The following CATSPERG variants were observed in gnomAD, a reference collection of about 807,000 sequenced individuals.
The protein encoded by CATSPERG is cation channel sperm-associated auxiliary subunit gamma.
CATSPERG carries 115 observed loss-of-function variants against 145.0 expected under a neutral mutation model. The observed-to-expected ratio is 0.79, with a 90% confidence interval of 0.68 to 0.93. CATSPERG has a LOEUF of 0.93. Among genes scored for constraint, CATSPERG ranks in the 40% least tolerant of loss-of-function variants. CATSPERG has a pLI of 0.00. For missense variants in CATSPERG, 1,296 were observed against 1,490.1 expected, an observed-to-expected ratio of 0.87 and a Z score of 2.14; for synonymous variants, 588 against 589.0, an observed-to-expected ratio of 1.00 and a Z score of 0.02.
chr19:38,358,099 CAG>C (rs1970278493), intron 11 of CATSPERG, 177 bp from the exon 12 acceptor site: 1 of 623,748 alleles, frequency 1.6e-6, no homozygotes, highest in Non-Finnish European at 2.8e-6. Flanking sequence ...GCCTGGGCGA[CAG>C]GGAGATCCTG....
chr19:38,339,228 T>C (rs763337780), intron 3 of CATSPERG, among the ~76,000 whole-genome samples: 4 of 151,918 alleles, frequency 2.6e-5, no homozygotes, highest in Non-Finnish European at 5.9e-5. Flanking sequence ...CAGGTTCTTT[T>C]AACTCAAGAT....
At position 38,367,159 on chromosome 19, in the gene CATSPERG, A is replaced by G; in HGVS notation, c.2617A>G (p.Asn873Asp). The G allele has an allele frequency of 6.2e-7, 1 of 1,612,608 alleles. No homozygotes were observed. The highest frequency in any genetic ancestry group is 8.5e-7 in the Non-Finnish European group (1 of 1,179,470). ...AGCCTTTTTTCCTCCCACCGAGGGC[A>G]ACCTGATGGTGCCAGTGTTCATTGG... ...ETHLGPHMQG[N>D]LMVPVFIGCP... Residue 873 changes from asparagine to aspartate, a missense_variant, in exon 23 of 29, where the codon AAC becomes GAC. Transcript: ENST00000409235.
chr19:38,362,795 A>C lies in CATSPERG; in HGVS notation c.2438A>C (p.Gln813Pro), dbSNP rs746187579. ...GGCTGCATCGAGGCCTCGGTGAAGCAGGAGGTCCTGATTAATCGCAACTCG... is the reference window on the plus strand; with the variant it reads ...GGCTGCATCGAGGCCTCGGTGAAGCCGGAGGTCCTGATTAATCGCAACTCG... ...DPGCIEASVK[Q>P]EVLINRNSVL... Residue 813 changes from glutamine to proline, a missense_variant, in exon 20 of 29, where the codon CAG becomes CCG. By Grantham distance (76) the Gln-to-Pro change is moderately conservative. Coordinates refer to ENST00000409235, the MANE Select transcript of CATSPERG (RefSeq NM_021185.5). 9.9e-6 allele frequency: 16 copies of C among 1,612,440 alleles called. No individual in the cohort carries two copies. In the East Asian group the frequency reaches 3.6e-4, roughly 36 times the overall value.
At chr19:38,358,974 C>T (rs757462853) in intron 13 of CATSPERG, among the ~76,000 whole-genome samples, 2 of 152,058 alleles carry the variant, frequency 1.3e-5, no homozygotes, top group Admixed American at 1.3e-4. Context: ...ATCAGACTCC[C>T]GAGTAGCTGG....
chr19:38,351,435 T>C (rs938438537), intron 7 of CATSPERG, among the ~76,000 whole-genome samples: 5 of 151,886 alleles, frequency 3.3e-5, no homozygotes, highest in African/African-American at 4.8e-5. Flanking sequence ...GGTGAAACCC[T>C]GTCTCTACTA....
rs752613128 is a variant in CATSPERG, at chr19:38,362,825, T to TATTTTCG, written c.2469_2475dup (p.Thr827PhefsTer7). On this transcript the variant is annotated frameshift_variant, in exon 20 of 29. Coordinates refer to ENST00000409235, the MANE Select transcript of CATSPERG (RefSeq NM_021185.5). LOFTEE classifies it high-confidence loss of function. Reference sequence around the variant, plus strand: ...GTCCTGATTAATCGCAACTCGGTGCTATTTTCGGTGAGGCCCCCCGGGGAG... The same window carrying TATTTTCG: ...GTCCTGATTAATCGCAACTCGGTGCTATTTTCGATTTTCGGTGAGGCCCCCCGGGGAG... 8.1e-6 allele frequency: 13 copies of TATTTTCG among 1,609,684 alleles called. No individual in the cohort carries two copies. Among genetic ancestry groups the TATTTTCG allele is most frequent in the Non-Finnish European group, 9.3e-6 (11 of 1,176,542 alleles).
rs574882111 is a variant in CATSPERG, at chr19:38,352,746, G to A, written c.997+314G>A. Among the ~76,000 whole-genome samples the A allele has an allele frequency of 2.0e-5, 3 of 151,732 alleles. No homozygotes were observed. In the East Asian group the frequency reaches 5.8e-4, roughly 29 times the overall value. Reference sequence around the variant, plus strand: ...GTGTGCCCACACACAGTGGCAGAAGGACTTGCCAAGACAGACCAGACGGGG... The same window carrying A: ...GTGTGCCCACACACAGTGGCAGAAGAACTTGCCAAGACAGACCAGACGGGG... On this transcript the variant is annotated intron_variant, in intron 8 of 28. Coordinates refer to ENST00000409235, the MANE Select transcript of CATSPERG (RefSeq NM_021185.5).
chr19:38,357,511 G>T (rs1252817029), intron 11 of CATSPERG, among the ~76,000 whole-genome samples: 1 of 93,090 alleles, frequency 1.1e-5, no homozygotes, highest in Non-Finnish European at 2.3e-5. Flanking sequence ...GCAAGACCCG[G>T]TCTCAAAAAA....
intron 8 of CATSPERG, among the ~76,000 whole-genome samples, chr19:38,352,737 T>C (rs919013775): frequency 1.3e-5 from 2 of 149,410 alleles, no homozygotes; most frequent in Non-Finnish European, 3.0e-5. Flanking sequence ...CCACACACAG[T>C]GGCAGAAGGA....
In CATSPERG at chr19:38,356,777, GC is replaced by G. The variant is rs776526133; in HGVS notation, c.1232del (p.Ala411GlyfsTer52). ...TCSIIWSEYI[A>X]GEYTLLLLVE... ...CTCCATAATTTGGTCTGAATACATCGCGGGTGAGTATACTCTACTGCTGCTG... is the reference window on the plus strand; with the variant it reads ...CTCCATAATTTGGTCTGAATACATCGGGGTGAGTATACTCTACTGCTGCTG... On this transcript the variant is annotated frameshift_variant, in exon 11 of 29. Coordinates refer to ENST00000409235, the MANE Select transcript of CATSPERG (RefSeq NM_021185.5). LOFTEE classifies it high-confidence loss of function. 6.2e-7 allele frequency: 1 copy of G among 1,614,150 alleles called. No homozygotes were observed. The highest frequency in any genetic ancestry group is 1.3e-5 in the African/African-American group (1 of 75,040).
At chr19:38,368,013 C>G in intron 25 of CATSPERG, 35 bp from the exon 26 acceptor site, 1 of 1,603,144 alleles carries the variant, frequency 6.2e-7, no homozygotes, top group Non-Finnish European at 8.5e-7. Context: ...ACACCGCCCC[C>G]CAACCCCTGG....
intron 26 of CATSPERG, 48 bp downstream of exon 26, chr19:38,368,185 A>G (rs745812084): frequency 7.8e-6 from 12 of 1,529,840 alleles, no homozygotes; most frequent in African/African-American, 1.4e-5. Context: ...TCGGTAGTCC[A>G]TTGGGCCCAC....
At chr19:38,357,990 C>G (rs928837908) in intron 11 of CATSPERG, 11 of 355,268 alleles carry the variant, frequency 3.1e-5, no homozygotes, top group Non-Finnish European at 5.1e-5. Context: ...TGGTGGTGTG[C>G]GCCTATAATC....
At chr19:38,349,358 C>G (rs369839975) in intron 7 of CATSPERG, 9 of 152,244 alleles carry the variant, frequency 5.9e-5, no homozygotes, top group African/African-American at 2.2e-4. Flanking sequence ...TCTTGAACTC[C>G]TGACCTCAAG....
At position 38,344,104 on chromosome 19, in the gene CATSPERG, T is replaced by TC; in HGVS notation, c.582dup (p.Ile195HisfsTer4). 9 of 1,551,574 alleles carry TC rather than the reference T, an allele frequency of 5.8e-6. No individual in the cohort carries two copies. The highest frequency in any genetic ancestry group is 7.8e-6 in the Non-Finnish European group (9 of 1,146,946). ...ATCAGCAGCAATGGCCTGGGGACCT[T>TC]CATTCCAGATAAAAGGTACCCTTTC... On this transcript the variant is annotated frameshift_variant, in exon 5 of 29. Coordinates refer to ENST00000409235, the MANE Select transcript of CATSPERG (RefSeq NM_021185.5). LOFTEE classifies it high-confidence loss of function.
intron 1 of CATSPERG, chr19:38,336,691 C>A: frequency 8.6e-6 from 2 of 233,790 alleles, no homozygotes; most frequent in South Asian, 9.4e-5. Flanking sequence ...CGGGTGCGAT[C>A]GCAGGCAGAA....
At chr19:38,361,930 C>A in intron 17 of CATSPERG, 69 bp downstream of exon 17, 4 of 1,066,620 alleles carry the variant, frequency 3.8e-6, no homozygotes, top group South Asian at 1.3e-5. Flanking sequence ...GCTTAGAGGG[C>A]GAGGCCTGTG....
intron 4 of CATSPERG, 60 bp downstream of exon 4, chr19:38,343,784 G>A (rs1316794766): frequency 6.6e-7 from 1 of 1,514,210 alleles, no homozygotes; most frequent in African/African-American, 1.4e-5. Flanking sequence ...TTTGCTGGGG[G>A]CCTCTGTGGG....
intron 20 of CATSPERG, 42 bp from the exon 21 acceptor site, chr19:38,364,849 G>T (rs201076588): frequency 1.2e-5 from 18 of 1,490,986 alleles, no homozygotes; most frequent in African/African-American, 4.1e-5. Context: ...GGGGAGACCT[G>T]TTCACCCCTT....
Sources: gnomAD v4.1 joint callset for allele counts (sites outside exome capture counted in the v4.1 genomes callset) on GRCh38, gnomAD v4.1.1 for gene constraint, MANE v1.5 for transcripts, NCBI Gene and HGNC (gene_info 2026-07-23, HGNC 2026-07-21) for gene names.